The following KAZN variants were observed in gnomAD, a reference collection of about 807,000 sequenced individuals.
KAZN encodes kazrin, periplakin interacting protein, also known as kazrin.
Under a neutral mutation model 87.4 loss-of-function variants are expected in KAZN, and 40 were observed. The ratio of observed to expected loss-of-function variants is 0.46; its 90% CI spans 0.36 to 0.60. The LOEUF (loss-of-function observed/expected upper bound fraction) is 0.60, where lower values mean the gene tolerates loss of function less well. Ranked by LOEUF, KAZN falls within the 20% of genes least tolerant of loss-of-function variation. KAZN has a pLI of 0.00. For missense variants in KAZN, 898 were observed against 1,073.9 expected (o/e 0.84, Z 2.29); for synonymous variants, 466 against 458.3 (o/e 1.02, Z -0.22).
intron 2 of KAZN, among the ~76,000 whole-genome samples, chr1:14,999,673 G>A (rs749693563): frequency 2.0e-5 from 3 of 152,202 alleles, no homozygotes; most frequent in Non-Finnish European, 2.9e-5. Flanking sequence ...CAAGAACCCC[G>A]GCATTTGTTT....
intron 1 of KAZN, among the ~76,000 whole-genome samples, chr1:14,775,125 C>T (rs1448240284): frequency 2.0e-5 from 3 of 152,192 alleles, no homozygotes; most frequent in Admixed American, 6.5e-5. Context: ...TAAATCACCT[C>T]GTTTGACCCT....
At chr1:14,094,095 C>T (rs889476304) in intron 1 of KAZN, among the ~76,000 whole-genome samples, 1 of 152,060 alleles carries the variant, frequency 6.6e-6, no homozygotes. Context: ...GTTTTGGTTT[C>T]TCTGACTTGC....
At chr1:14,043,112 C>G (rs889637960) in intron 1 of KAZN, among the ~76,000 whole-genome samples, 4 of 152,198 alleles carry the variant, frequency 2.6e-5, no homozygotes, top group Non-Finnish European at 4.4e-5. Flanking sequence ...CATTCTACTT[C>G]TGTCTCAATA....
At chr1:14,526,344 G>C (rs1042046844) in intron 2 of KAZN, among the ~76,000 whole-genome samples, 1 of 152,144 alleles carries the variant, frequency 6.6e-6, no homozygotes, top group African/African-American at 2.4e-5. Flanking sequence ...GCCATATTTG[G>C]GCCTCTTTGT....
At chr1:14,515,943 A>G (rs781620662) in intron 2 of KAZN, among the ~76,000 whole-genome samples, 1 of 152,122 alleles carries the variant, frequency 6.6e-6, no homozygotes, top group Non-Finnish European at 1.5e-5. Flanking sequence ...ATGAGACCAC[A>G]AAATCCTGTG....
intron 1 of KAZN, among the ~76,000 whole-genome samples, chr1:14,782,205 A>G (rs1437942174): frequency 3.3e-5 from 5 of 152,156 alleles, no homozygotes; most frequent in African/African-American, 9.7e-5. Context: ...AAATATATTG[A>G]TCGATAAGTG....
intron 2 of KAZN, among the ~76,000 whole-genome samples, chr1:14,298,741 C>A (rs1654313135): frequency 6.6e-6 from 1 of 152,272 alleles, no homozygotes; most frequent in Non-Finnish European, 1.5e-5. Flanking sequence ...GAGTCAATTT[C>A]CCCTTTATTA....
chr1:14,891,055 A>G (rs1040651704), intron 1 of KAZN, among the ~76,000 whole-genome samples: 4 of 150,246 alleles, frequency 2.7e-5, no homozygotes, highest in African/African-American at 9.8e-5. Context: ...CGTGTTAGCC[A>G]GGATGGTCTC....
At chr1:14,456,175 C>T (rs1203440492) in intron 2 of KAZN, among the ~76,000 whole-genome samples, 3 of 152,200 alleles carry the variant, frequency 2.0e-5, no homozygotes, top group Non-Finnish European at 2.9e-5. Context: ...AACACATTGC[C>T]CCCCAAACCC....
intron 2 of KAZN, among the ~76,000 whole-genome samples, chr1:14,490,706 T>C (rs538085371): frequency 5.9e-5 from 9 of 152,354 alleles, no homozygotes; most frequent in African/African-American, 2.2e-4. Flanking sequence ...TTAATGGTTA[T>C]ATTTTTGCAA....
intron 2 of KAZN, among the ~76,000 whole-genome samples, chr1:14,317,837 A>C (rs1000744155): frequency 1.3e-5 from 2 of 152,016 alleles, no homozygotes; most frequent in African/African-American, 4.8e-5. Flanking sequence ...CATTTCACTT[A>C]AAGTCACAGT....
rs1639801489 is a variant in KAZN at position 15,077,258 on chromosome 1, C to T, written c.1222+11505C>T. Among the ~76,000 whole-genome samples, 1 of 152,212 alleles carries T rather than the reference C, an allele frequency of 6.6e-6. No homozygotes were observed. Among genetic ancestry groups the T allele is most frequent in the Non-Finnish European group, 1.5e-5 (1 of 68,044 alleles). ...GTCACCTCCAGTCTAGATTCTCTCT[C>T]TGTGGACACCTCGTGCTCTGACAGT... On this transcript the variant is annotated intron_variant, in intron 8 of 14. Transcript: ENST00000376030. This position sits in a 1 kb window ranked among gnomAD's most constrained non-coding sequence, Gnocchi z 4.8.
chr1:14,464,461 A>G (rs1668008639), intron 2 of KAZN, among the ~76,000 whole-genome samples: 1 of 152,048 alleles, frequency 6.6e-6, no homozygotes, highest in Non-Finnish European at 1.5e-5. Context: ...CCTCCAGATC[A>G]TTCACTTACA....
At chr1:14,250,729 C>CA (rs1649950534) in intron 2 of KAZN, among the ~76,000 whole-genome samples, 1 of 151,844 alleles carries the variant, frequency 6.6e-6, no homozygotes, top group Non-Finnish European at 1.5e-5. Context: ...TGCTTTTTAA[C>CA]AATTGACTTA....
At chr1:14,229,338 A>G (rs1263207135) in intron 2 of KAZN, among the ~76,000 whole-genome samples, 2 of 152,348 alleles carry the variant, frequency 1.3e-5, no homozygotes, top group East Asian at 1.9e-4. Context: ...GTGTGTTTAT[A>G]AAAGCCTTCG....
intron 2 of KAZN, among the ~76,000 whole-genome samples, chr1:14,564,994 G>A (rs1246545041): frequency 6.8e-6 from 1 of 146,816 alleles, no homozygotes; most frequent in African/African-American, 2.4e-5. Flanking sequence ...GATACTGGGG[G>A]TTCAGGTTGA....
intron 1 of KAZN, among the ~76,000 whole-genome samples, chr1:14,875,424 T>C (rs10927563): frequency 0.026 from 3,891 of 150,314 alleles, 197 homozygotes; most frequent in African/African-American, 0.09. Flanking sequence ...TATCATTTAT[T>C]GGGTGAGCAT....
intron 1 of KAZN, among the ~76,000 whole-genome samples, chr1:14,088,634 A>C (rs1475025266): frequency 6.6e-6 from 1 of 152,010 alleles, no homozygotes; most frequent in Non-Finnish European, 1.5e-5. Flanking sequence ...GTCTATAAAC[A>C]TTGGTTAGAC....
intron 1 of KAZN, among the ~76,000 whole-genome samples, chr1:14,007,411 A>G (rs1640083471): frequency 6.6e-6 from 1 of 152,104 alleles, no homozygotes; most frequent in South Asian, 2.1e-4. Context: ...ATTCTTGATT[A>G]ACTGTCTATG....
Sources: allele counts gnomAD v4.1 joint callset (sites outside exome capture counted in the v4.1 genomes callset), GRCh38; gene constraint gnomAD v4.1.1; non-coding constraint Gnocchi (gnomAD v3.1); transcripts MANE v1.5; gene names NCBI Gene and HGNC (gene_info 2026-07-23, HGNC 2026-07-21).